ELMO1: variants seen among roughly 807,000 people sequenced by gnomAD.
The protein encoded by ELMO1 is engulfment and cell motility protein 1.
A neutral mutation model predicts 98.9 loss-of-function variants in ELMO1; 26 were observed. The ratio of observed to expected loss-of-function variants is 0.26; its 90% CI spans 0.19 to 0.36. The LOEUF (loss-of-function observed/expected upper bound fraction) is 0.36, where lower values mean the gene tolerates loss of function less well. ELMO1 is among the 10% of genes least tolerant of loss of function. ELMO1 has a pLI of 1.00. For synonymous variants in ELMO1, 346 were observed against 346.0 expected, an observed-to-expected ratio of 1.00 and a Z score of 0.00; for missense variants, 627 against 935.2, an observed-to-expected ratio of 0.67 and a Z score of 4.30.
intron 15 of ELMO1, among the ~76,000 whole-genome samples, chr7:37,034,182 G>T (rs1448456386): frequency 6.6e-6 from 1 of 152,186 alleles, no homozygotes; most frequent in African/African-American, 2.4e-5. Flanking sequence ...TGTGTCTGGA[G>T]AAATGGTCTC....
intron 13 of ELMO1, among the ~76,000 whole-genome samples, chr7:37,160,260 T>C (rs1789108138): frequency 6.6e-6 from 1 of 152,202 alleles, no homozygotes; most frequent in South Asian, 2.1e-4. Context: ...AGCTGACCCT[T>C]GGAGATCAGT....
At chr7:36,880,742 A>G (rs759234500) in intron 18 of ELMO1, among the ~76,000 whole-genome samples, 1 of 152,172 alleles carries the variant, frequency 6.6e-6, no homozygotes, top group Non-Finnish European at 1.5e-5. Context: ...CTCTGGCAAT[A>G]CTATGGAGAA....
At chr7:37,191,736 G>A (rs1791596061) in intron 13 of ELMO1, among the ~76,000 whole-genome samples, 1 of 152,146 alleles carries the variant, frequency 6.6e-6, no homozygotes, top group South Asian at 2.1e-4. Flanking sequence ...TGGCCAACAT[G>A]GTCAAAACCC....
intron 6 of ELMO1, among the ~76,000 whole-genome samples, chr7:37,247,002 G>C: frequency 6.6e-6 from 1 of 151,828 alleles, no homozygotes; most frequent in South Asian, 2.1e-4. Context: ...ATATAAATTT[G>C]TGCTCTTTTG....
intron 5 of ELMO1, among the ~76,000 whole-genome samples, chr7:37,259,888 C>T (rs1052247737): frequency 3.9e-5 from 6 of 152,198 alleles, no homozygotes; most frequent in Non-Finnish European, 8.8e-5. Flanking sequence ...CACAACGATG[C>T]TTGTAAATTT....
chr7:36,991,168 T>G (rs763145236), intron 16 of ELMO1, among the ~76,000 whole-genome samples: 2 of 152,212 alleles, frequency 1.3e-5, no homozygotes, highest in Non-Finnish European at 2.9e-5. Flanking sequence ...GTACTTAGCC[T>G]CATGAAAATT....
At chr7:36,985,442 G>C (rs979846097) in intron 16 of ELMO1, among the ~76,000 whole-genome samples, 1 of 151,996 alleles carries the variant, frequency 6.6e-6, no homozygotes, top group African/African-American at 2.4e-5. Context: ...GAGAAGAGAT[G>C]CTTCATTCCG....
Position 37,259,433 on chromosome 7 carries a change from A to G in ELMO1, c.244-83T>C. The G allele has an allele frequency of 4.0e-6, 6 of 1,500,336 alleles. No homozygotes were observed. In the South Asian group the frequency reaches 6.1e-5, roughly 15 times the overall value. 92.9% of individuals were successfully genotyped at this position (1,500,336 alleles called of 1,614,324 possible). On this transcript the variant is annotated intron_variant, in intron 5 of 21. Transcript: ENST00000310758. ...AGATTTATGTTTCAATGAGGAACAG[A>G]GATACAAAAGCCAAAAGCGCAAGAC... is the stretch of plus-strand genomic sequence containing the variant.
chr7:37,438,453 A>C (rs1414116421), intron 1 of ELMO1, among the ~76,000 whole-genome samples: 2 of 141,222 alleles, frequency 1.4e-5, no homozygotes, highest in East Asian at 4.2e-4. Context: ...AAAAAAAATT[A>C]GCCGGGCGTG....
intron 15 of ELMO1, among the ~76,000 whole-genome samples, chr7:37,089,026 C>T (rs76382949): frequency 0.055 from 8,441 of 152,212 alleles, 571 homozygotes; most frequent in African/African-American, 0.17. Context: ...AGAGATTTAA[C>T]TGTTAAAAGC....
chr7:37,372,329 G>C (rs1802150091), intron 1 of ELMO1, among the ~76,000 whole-genome samples: 1 of 152,124 alleles, frequency 6.6e-6, no homozygotes, highest in South Asian at 2.1e-4. Context: ...AACTAGCCAG[G>C]TGATTCTGGG....
intron 16 of ELMO1, among the ~76,000 whole-genome samples, chr7:36,917,709 A>T (rs1172151220): frequency 6.6e-6 from 1 of 152,216 alleles, no homozygotes; most frequent in Non-Finnish European, 1.5e-5. Flanking sequence ...AGAGGCATAC[A>T]TCACATCTGG....
intron 16 of ELMO1, among the ~76,000 whole-genome samples, chr7:36,981,637 A>T (rs963121246): frequency 6.6e-6 from 1 of 152,128 alleles, no homozygotes; most frequent in Non-Finnish European, 1.5e-5. Flanking sequence ...GAGTTGAGAG[A>T]GGGGCCAGAG....
chr7:37,148,400 T>C (rs1264663994), intron 13 of ELMO1, among the ~76,000 whole-genome samples: 1 of 152,224 alleles, frequency 6.6e-6, no homozygotes, highest in Non-Finnish European at 1.5e-5. Flanking sequence ...CTCTTTTAAA[T>C]TTACTCTTAG....
intron 15 of ELMO1, among the ~76,000 whole-genome samples, chr7:37,087,831 A>T (rs1034975043): frequency 6.6e-6 from 1 of 152,220 alleles, no homozygotes; most frequent in African/African-American, 2.4e-5. Context: ...GGAATGAAAG[A>T]AAAAGAAAAG....
chr7:37,041,581 T>C (rs1200460236), intron 15 of ELMO1, among the ~76,000 whole-genome samples: 2 of 152,162 alleles, frequency 1.3e-5, no homozygotes, highest in Admixed American at 1.3e-4. Context: ...GGGGAGACAC[T>C]GTTTGAAAAG....
At chr7:37,371,060 G>C (rs970991544) in intron 1 of ELMO1, among the ~76,000 whole-genome samples, 2 of 152,094 alleles carry the variant, frequency 1.3e-5, no homozygotes, top group Admixed American at 6.6e-5. Context: ...TCATAAAATG[G>C]AATATACTCT....
chr7:37,183,957 C>A (rs1389995412), intron 13 of ELMO1, among the ~76,000 whole-genome samples: 1 of 152,136 alleles, frequency 6.6e-6, no homozygotes, highest in Non-Finnish European at 1.5e-5. Context: ...TTGCTTCCTA[C>A]TGTTTTCCAT....
chr7:37,394,117 G>C (rs1803192808), intron 1 of ELMO1, among the ~76,000 whole-genome samples: 1 of 152,142 alleles, frequency 6.6e-6, no homozygotes, highest in Non-Finnish European at 1.5e-5. Flanking sequence ...GCCTCTCCCT[G>C]TTAGGCCCAG....
Sources: allele counts gnomAD v4.1 joint callset (sites outside exome capture counted in the v4.1 genomes callset), GRCh38; gene constraint gnomAD v4.1.1; transcripts MANE v1.5; gene names NCBI Gene and HGNC (gene_info 2026-07-23, HGNC 2026-07-21).